Variants in CAMTA1 observed in about 807,000 individuals in gnomAD.
CAMTA1 encodes calmodulin binding transcription activator 1.
CAMTA1 carries 27 observed loss-of-function variants against 170.9 expected under a neutral mutation model. The observed-to-expected ratio is 0.16, with a 90% CI of 0.12 to 0.22. The LOEUF is 0.22. CAMTA1 is among the 10% of genes least tolerant of loss of function. CAMTA1 has a pLI of 1.00. For synonymous variants in CAMTA1, 833 were observed against 891.5 expected, an observed-to-expected ratio of 0.93 and a Z score of 1.17; for missense variants, 1,619 against 2,217.2, an observed-to-expected ratio of 0.73 and a Z score of 5.42.
At chr1:7,306,176 T>C (rs1274579149) in intron 5 of CAMTA1, among the ~76,000 whole-genome samples, 2 of 152,050 alleles carry the variant, frequency 1.3e-5, no homozygotes, top group South Asian at 2.1e-4. Context: ...TTTGGTTTTA[T>C]GTCTAGCAAA....
At chr1:7,049,322 T>G (rs1705920933) in intron 3 of CAMTA1, among the ~76,000 whole-genome samples, 1 of 151,208 alleles carries the variant, frequency 6.6e-6, no homozygotes, top group South Asian at 2.1e-4. Context: ...GGCCAGGGGG[T>G]GCAGGGCCTG....
At chr1:7,675,991 G>A (rs1236249004) in intron 10 of CAMTA1, among the ~76,000 whole-genome samples, 2 of 152,240 alleles carry the variant, frequency 1.3e-5, no homozygotes, top group African/African-American at 4.8e-5. Flanking sequence ...AGCAGCAGTT[G>A]AAGAGGCCAT....
intron 3 of CAMTA1, among the ~76,000 whole-genome samples, chr1:6,993,547 C>T (rs1696720056): frequency 2.0e-5 from 3 of 152,084 alleles, no homozygotes; most frequent in South Asian, 2.1e-4. Context: ...TTTTGAGGCT[C>T]TGTTATTAGG....
chr1:7,110,041 G>A (rs890507625), intron 4 of CAMTA1, among the ~76,000 whole-genome samples: 2 of 152,158 alleles, frequency 1.3e-5, no homozygotes, highest in Non-Finnish European at 2.9e-5. Flanking sequence ...AGCCCGAGGT[G>A]GCCTGAGGTG....
chr1:7,203,951 C>T (rs752097130), intron 4 of CAMTA1, among the ~76,000 whole-genome samples: 14 of 151,582 alleles, frequency 9.2e-5, no homozygotes, highest in Non-Finnish European at 1.5e-4. Flanking sequence ...CCTGCCTCAA[C>T]CTCCCGAGTA....
intron 5 of CAMTA1, among the ~76,000 whole-genome samples, chr1:7,462,684 G>C (rs1231195274): frequency 6.6e-6 from 1 of 152,166 alleles, no homozygotes; most frequent in East Asian, 1.9e-4. Flanking sequence ...CTGTGTCCGT[G>C]GTAGTTTGAT....
intron 3 of CAMTA1, among the ~76,000 whole-genome samples, chr1:6,975,250 T>G (rs1693210459): frequency 6.6e-6 from 1 of 152,186 alleles, no homozygotes; most frequent in Non-Finnish European, 1.5e-5. Flanking sequence ...TCCCTGCTCT[T>G]GCGGGGCTCA....
At chr1:6,815,194 C>T (rs1477085472) in intron 1 of CAMTA1, among the ~76,000 whole-genome samples, 1 of 151,692 alleles carries the variant, frequency 6.6e-6, no homozygotes, top group Non-Finnish European at 1.5e-5. Context: ...CTCTGCATCT[C>T]TCCTCTTGGG....
rs982704319 is a variant in CAMTA1 at position 7,271,560 on chromosome 1, GAAAA to G, written c.438+21935_438+21938del. 9.0e-5 allele frequency among the ~76,000 whole-genome samples: 11 copies of G among 122,536 alleles called. No individual in the cohort carries two copies. In the East Asian group the frequency reaches 1.2e-3, roughly 14 times the overall value. The allele number at this position is 122,536 out of a possible 152,430, so 80.4% of individuals were successfully genotyped here. A position where few individuals can be genotyped will look rare whatever the true frequency, so the allele number is the denominator to read the frequency against. ...ACTGGTAAACTGTTAATTACACTGA[GAAAA>G]GAGATAGATAGATAGATAGATAGAT... On this transcript the variant is annotated intron_variant, in intron 5 of 22. Coordinates refer to ENST00000303635, the MANE Select transcript of CAMTA1 (RefSeq NM_015215.4).
At chr1:6,901,226 T>G (rs1403926334) in intron 3 of CAMTA1, among the ~76,000 whole-genome samples, 1 of 152,242 alleles carries the variant, frequency 6.6e-6, no homozygotes. Flanking sequence ...TACCCCATAC[T>G]GTATATAAAA....
At chr1:7,021,332 TG>T (rs1701311786) in intron 3 of CAMTA1, among the ~76,000 whole-genome samples, 1 of 152,224 alleles carries the variant, frequency 6.6e-6, no homozygotes, top group South Asian at 2.1e-4. Flanking sequence ...CTGGAGCCAC[TG>T]GAAACAGTGG....
chr1:7,099,596 G>A (rs1642480614), intron 4 of CAMTA1, among the ~76,000 whole-genome samples: 1 of 152,178 alleles, frequency 6.6e-6, no homozygotes, highest in Non-Finnish European at 1.5e-5. Flanking sequence ...TGCTAACTGA[G>A]GATTTAGCTT....
intron 6 of CAMTA1, among the ~76,000 whole-genome samples, chr1:7,583,097 G>A (rs1189298015): frequency 6.6e-6 from 1 of 152,172 alleles, no homozygotes; most frequent in Non-Finnish European, 1.5e-5. Flanking sequence ...GCACATCCCA[G>A]TGGTGAGGCA....
intron 6 of CAMTA1, among the ~76,000 whole-genome samples, chr1:7,604,603 A>G (rs2095471677): frequency 6.6e-6 from 1 of 152,052 alleles, no homozygotes; most frequent in South Asian, 2.1e-4. Context: ...CAAGGTTTTT[A>G]ACTTCTTTGC....
At chr1:7,563,170 C>G (rs1339828685) in intron 6 of CAMTA1, among the ~76,000 whole-genome samples, 1 of 152,254 alleles carries the variant, frequency 6.6e-6, no homozygotes, top group African/African-American at 2.4e-5. Context: ...CAGCCCCATG[C>G]CCCCTGCTCC....
At chr1:7,530,484 C>A (rs1015813682) in intron 6 of CAMTA1, among the ~76,000 whole-genome samples, 3 of 152,088 alleles carry the variant, frequency 2.0e-5, no homozygotes, top group Non-Finnish European at 1.5e-5. Flanking sequence ...CTCCAGGGAG[C>A]CTCACAAATG....
chr1:6,800,600 T>C (rs1643645782), intron 1 of CAMTA1, among the ~76,000 whole-genome samples: 1 of 152,180 alleles, frequency 6.6e-6, no homozygotes, highest in Admixed American at 6.5e-5. Flanking sequence ...CTTTTTATGT[T>C]TAAGGTAGTA....
rs1371929440 is a variant in CAMTA1 at position 7,561,355 on chromosome 1, C to G, written c.511-79045C>G. 1.3e-5 allele frequency among the ~76,000 whole-genome samples: 2 copies of G among 151,862 alleles called. No homozygotes were observed. The highest frequency in any genetic ancestry group is 2.4e-5 in the African/African-American group (1 of 41,334). ...CTGGGGTGATGGAGGGACAGAGGGA[C>G]AGGCAGAGAGGCCGGCGGGCAGCAG... On this transcript the variant is annotated intron_variant, in intron 6 of 22. Transcript: ENST00000303635. This position sits in a 1 kb window ranked among gnomAD's most constrained non-coding sequence, Gnocchi z 5.3.
At chr1:7,375,622 C>T (rs75452600) in intron 5 of CAMTA1, among the ~76,000 whole-genome samples, 114 of 152,354 alleles carry the variant, frequency 7.5e-4, no homozygotes, top group African/African-American at 2.5e-3. Context: ...GGAGCAGCAA[C>T]AGGCCGGGCC....
Sources: gnomAD v4.1 joint callset for allele counts (sites outside exome capture counted in the v4.1 genomes callset) on GRCh38, gnomAD v4.1.1 for gene constraint, Gnocchi (gnomAD v3.1) non-coding constraint, MANE v1.5 for transcripts, NCBI Gene and HGNC (gene_info 2026-07-23, HGNC 2026-07-21) for gene names.